GNAQ: variants seen among roughly 807,000 people sequenced by gnomAD.
GNAQ encodes guanine nucleotide-binding protein G(q) subunit alpha.
A neutral mutation model predicts 43.9 loss-of-function variants in GNAQ; 8 were observed. The ratio of observed to expected loss-of-function variants is 0.18; its 90% CI spans 0.11 to 0.33. The LOEUF (loss-of-function observed/expected upper bound fraction) is 0.33, where lower values mean the gene tolerates loss of function less well. GNAQ is among the 10% of genes least tolerant of loss of function. The pLI, the probability that GNAQ is intolerant of heterozygous loss-of-function variation, is 1.00. For missense variants in GNAQ, 158 were observed against 450.8 expected (o/e 0.35, Z 5.88); for synonymous variants, 155 against 170.7 (o/e 0.91, Z 0.71).
intron 2 of GNAQ, among the ~76,000 whole-genome samples, chr9:77,888,415 A>T (rs1229035010): frequency 1.3e-5 from 2 of 152,184 alleles, no homozygotes. Context: ...CAGAGAAAAC[A>T]TCTAAATAGG....
intron 5 of GNAQ, among the ~76,000 whole-genome samples, chr9:77,758,056 T>C (rs191221007): frequency 4.5e-4 from 69 of 152,354 alleles, no homozygotes; most frequent in Admixed American, 1.4e-3. Context: ...AAAAATATTA[T>C]ATGAATTTAA....
intron 2 of GNAQ, among the ~76,000 whole-genome samples, chr9:77,854,460 G>A (rs1221013148): frequency 1.3e-5 from 2 of 152,238 alleles, no homozygotes; most frequent in Non-Finnish European, 2.9e-5. Flanking sequence ...CACAGGTTAA[G>A]TGGCAGTGAT....
intron 1 of GNAQ, among the ~76,000 whole-genome samples, chr9:78,030,249 A>G (rs1824033306): frequency 6.6e-6 from 1 of 152,164 alleles, no homozygotes; most frequent in Non-Finnish European, 1.5e-5. Flanking sequence ...GCCTACATCT[A>G]GGTTGCCTCA....
chr9:77,795,125 G>A (rs908298205), intron 4 of GNAQ, among the ~76,000 whole-genome samples: 7 of 152,140 alleles, frequency 4.6e-5, no homozygotes, highest in African/African-American at 1.7e-4. Flanking sequence ...TATCAGCAGG[G>A]TCGGCATGTT....
intron 2 of GNAQ, among the ~76,000 whole-genome samples, chr9:77,903,606 C>T (rs1366465089): frequency 6.6e-6 from 1 of 152,106 alleles, no homozygotes; most frequent in Non-Finnish European, 1.5e-5. Flanking sequence ...GGTTGACAGG[C>T]AGGCAAGTGA....
chr9:77,994,545 C>T (rs1019230157), intron 1 of GNAQ, among the ~76,000 whole-genome samples: 2 of 152,046 alleles, frequency 1.3e-5, no homozygotes, highest in African/African-American at 2.4e-5. Flanking sequence ...TACTGGTTTC[C>T]GGCAGCCATA....
chr9:77,754,320 G>A (rs1235831491), intron 5 of GNAQ, among the ~76,000 whole-genome samples: 1 of 152,188 alleles, frequency 6.6e-6, no homozygotes, highest in African/African-American at 2.4e-5. Flanking sequence ...CTTAAGAACA[G>A]GGGCAATACC....
At chr9:77,988,150 G>C (rs1823464963) in intron 1 of GNAQ, among the ~76,000 whole-genome samples, 1 of 152,236 alleles carries the variant, frequency 6.6e-6, no homozygotes, top group South Asian at 2.1e-4. Context: ...GAGAGGAGTA[G>C]AAGGAGATGA....
chr9:77,726,911 G>C (rs1221308369), intron 6 of GNAQ, among the ~76,000 whole-genome samples: 1 of 152,106 alleles, frequency 6.6e-6, no homozygotes, highest in Non-Finnish European at 1.5e-5. Flanking sequence ...GAGTAATTGA[G>C]GCTTTGCAAA....
chr9:77,771,315 AT>A (rs978996381), intron 5 of GNAQ, among the ~76,000 whole-genome samples: 12 of 152,346 alleles, frequency 7.9e-5, no homozygotes, highest in East Asian at 1.9e-4. Flanking sequence ...GAATGCCCTC[AT>A]TGGGCACATC....
At chr9:78,025,993 C>T (rs1375566961) in intron 1 of GNAQ, among the ~76,000 whole-genome samples, 9 of 152,232 alleles carry the variant, frequency 5.9e-5, no homozygotes, top group Admixed American at 1.3e-4. Flanking sequence ...TAATAAAAAT[C>T]GTAACTGTTT....
At chr9:77,829,522 G>T (rs973723765) in intron 2 of GNAQ, among the ~76,000 whole-genome samples, 6 of 152,182 alleles carry the variant, frequency 3.9e-5, no homozygotes, top group Non-Finnish European at 4.4e-5. Context: ...GTGTTATTTA[G>T]TGTTCACAAT....
At chr9:77,840,842 C>T (rs1049472034) in intron 2 of GNAQ, among the ~76,000 whole-genome samples, 6 of 152,064 alleles carry the variant, frequency 3.9e-5, no homozygotes, top group Admixed American at 3.9e-4. Flanking sequence ...TGGGGCAGTT[C>T]CTTTATCTGA....
At chr9:77,844,297 A>G (rs1827544217) in intron 2 of GNAQ, among the ~76,000 whole-genome samples, 1 of 152,226 alleles carries the variant, frequency 6.6e-6, no homozygotes, top group Non-Finnish European at 1.5e-5. Flanking sequence ...AAATTGAAAG[A>G]GGCCATGAAG....
chr9:77,996,045 C>T (rs1823563484), intron 1 of GNAQ, among the ~76,000 whole-genome samples: 1 of 152,024 alleles, frequency 6.6e-6, no homozygotes, highest in Admixed American at 6.6e-5. Flanking sequence ...TCACATCTAG[C>T]AATTCCTCTT....
chr9:77,800,548 G>GA (rs1160422578), intron 3 of GNAQ, among the ~76,000 whole-genome samples: 2 of 152,106 alleles, frequency 1.3e-5, no homozygotes, highest in Non-Finnish European at 2.9e-5. Flanking sequence ...ACAGGAAGGG[G>GA]AACATCACAC....
chr9:77,777,899 C>G (rs1359872155), intron 5 of GNAQ, among the ~76,000 whole-genome samples: 1 of 152,000 alleles, frequency 6.6e-6, no homozygotes, highest in Non-Finnish European at 1.5e-5. Context: ...ACATTAAGAA[C>G]AGTTTGGTAT....
chr9:77,993,162 A>C (rs12235829), intron 1 of GNAQ, among the ~76,000 whole-genome samples: 32,081 of 152,018 alleles, frequency 0.21, 3,589 homozygotes, highest in South Asian at 0.4. Context: ...TTCAGCTCTA[A>C]ATAGGCTCTA....
intron 1 of GNAQ, among the ~76,000 whole-genome samples, chr9:78,004,480 C>T (rs1046847655): frequency 1.3e-5 from 2 of 151,848 alleles, no homozygotes; most frequent in Admixed American, 1.3e-4. Flanking sequence ...TAACAAGGTC[C>T]CCAGGAGATT....
Sources: gnomAD v4.1 joint callset for allele counts (sites outside exome capture counted in the v4.1 genomes callset) on GRCh38, gnomAD v4.1.1 for gene constraint, MANE v1.5 for transcripts, NCBI Gene and HGNC (gene_info 2026-07-23, HGNC 2026-07-21) for gene names.